ZNF365: variants seen among roughly 807,000 people sequenced by gnomAD.
ZNF365 encodes the protein zinc finger protein 365, also known as protein ZNF365.
Under a neutral mutation model 35.0 loss-of-function variants are expected in ZNF365, and 22 were observed. The observed-to-expected ratio is 0.63, with a 90% CI of 0.45 to 0.90. The LOEUF (loss-of-function observed/expected upper bound fraction) is 0.90. ZNF365 is among the 40% of genes least tolerant of loss of function. The probability of loss-of-function intolerance (pLI) is 0.00; values close to 1 mark genes in which losing one functional copy is unlikely to be tolerated. For missense variants in ZNF365, 448 were observed against 500.3 expected (o/e 0.90, Z 1.00); for synonymous variants, 188 against 196.2 (o/e 0.96, Z 0.35).
chr10:62,447,292 A>C (rs1159482313), intron 3 of ZNF365, among the ~76,000 whole-genome samples: 3 of 152,160 alleles, frequency 2.0e-5, no homozygotes, highest in Admixed American at 6.5e-5. Context: ...AATCTACTAA[A>C]CTAAAAAATA....
At chr10:62,454,882 C>G (rs117924063) in intron 3 of ZNF365, among the ~76,000 whole-genome samples, 1 of 152,148 alleles carries the variant, frequency 6.6e-6, no homozygotes, top group Middle Eastern at 3.4e-3. Flanking sequence ...GACAGTGGTG[C>G]TGATTGGAGT....
chr10:62,473,024 C>G, intron 4 of ZNF365, among the ~76,000 whole-genome samples: 1 of 152,174 alleles, frequency 6.6e-6, no homozygotes, highest in Admixed American at 6.5e-5. Context: ...ATGATCATCT[C>G]CAATTTAGGT....
chr10:62,389,277 G>C (rs1458423459), intron 3 of ZNF365, among the ~76,000 whole-genome samples: 6 of 151,426 alleles, frequency 4.0e-5, no homozygotes, highest in Admixed American at 3.9e-4. Context: ...TAGGTCGATG[G>C]GGGGCGGGGG....
chr10:62,393,473 A>G (rs2132422860), intron 3 of ZNF365, among the ~76,000 whole-genome samples: 1 of 152,284 alleles, frequency 6.6e-6, no homozygotes. Context: ...TGGTGATAGG[A>G]ACTTTTCAGC....
At chr10:62,423,139 CTG>C (rs5785525) in intron 3 of ZNF365, among the ~76,000 whole-genome samples, 88,897 of 151,554 alleles carry the variant, frequency 0.59, 26,586 homozygotes, top group East Asian at 0.77. Flanking sequence ...AATTTCCAAA[CTG>C]TGTTCTGTAG....
rs1840577870 is a variant in ZNF365 at position 62,445,822 on chromosome 10, C to CT, written c.925-13914dup. On this transcript the variant is annotated intron_variant, in intron 3 of 4. Transcript: ENST00000395255. ...TATTTGTTTTGCTCATCTCATTGTT[C>CT]TTTTTCTTCATTGGCCTCGGTCAGA... Among the ~76,000 whole-genome samples the CT allele has an allele frequency of 3.9e-5, 6 of 152,196 alleles. No homozygotes were observed. The South Asian group carries it at 1.2e-3, about 32-fold the overall frequency.
chr10:62,397,320 G>T (rs1459621893), intron 3 of ZNF365, among the ~76,000 whole-genome samples: 3 of 151,862 alleles, frequency 2.0e-5, no homozygotes, highest in African/African-American at 7.3e-5. Context: ...GCAGACAGAA[G>T]AATGCAGGCA....
rs571891936 is a variant in ZNF365, at chr10:62,436,347, G to C, written c.925-23394G>C. 4.6e-5 allele frequency among the ~76,000 whole-genome samples: 7 copies of C among 152,026 alleles called. No individual in the cohort carries two copies. In the East Asian group the frequency reaches 1.4e-3, roughly 29 times the overall value. On this transcript the variant is annotated intron_variant, in intron 3 of 4. Coordinates refer to the ZNF365 transcript ENST00000395255. The stretch of plus-strand genomic sequence containing the variant: ...TAACTAGAACCCTTAATTAAACTAA[G>C]TGATTATTTTGGGGAAGTTAAAAGA...
chr10:62,423,392 G>A (rs558713263), intron 3 of ZNF365, among the ~76,000 whole-genome samples: 16 of 152,240 alleles, frequency 1.1e-4, no homozygotes, highest in African/African-American at 3.6e-4. Context: ...GTATTTCACA[G>A]GATTAGTGCT....
chr10:62,465,625 G>C (rs1431525392), intron 4 of ZNF365, among the ~76,000 whole-genome samples: 2 of 152,122 alleles, frequency 1.3e-5, no homozygotes, highest in Non-Finnish European at 2.9e-5. Context: ...GACACTCACT[G>C]GGACAACCTG....
At chr10:62,384,383 G>A (rs150671078) in intron 2 of ZNF365, among the ~76,000 whole-genome samples, 118 of 152,228 alleles carry the variant, frequency 7.8e-4, no homozygotes, top group Middle Eastern at 3.4e-3. Flanking sequence ...TTGTAATTAC[G>A]TGTTTATTTC....
intron 3 of ZNF365, among the ~76,000 whole-genome samples, chr10:62,433,643 C>A (rs193286677): frequency 4.6e-5 from 7 of 152,258 alleles, no homozygotes; most frequent in Non-Finnish European, 8.8e-5. Flanking sequence ...AGGTCAACTC[C>A]ACAGAGCTCC....
intron 3 of ZNF365, among the ~76,000 whole-genome samples, chr10:62,413,808 T>A (rs1455428635): frequency 1.3e-5 from 2 of 152,188 alleles, no homozygotes; most frequent in Non-Finnish European, 2.9e-5. Context: ...AGCCATCCAA[T>A]ATACAAATAT....
intron 4 of ZNF365, among the ~76,000 whole-genome samples, chr10:62,461,525 C>T (rs1380031993): frequency 6.6e-6 from 1 of 152,190 alleles, no homozygotes; most frequent in Non-Finnish European, 1.5e-5. Context: ...GACCGTGTTC[C>T]GCACGGAGCT....
chr10:62,432,916 G>T (rs146278157), intron 3 of ZNF365, among the ~76,000 whole-genome samples: 1 of 152,260 alleles, frequency 6.6e-6, no homozygotes, highest in East Asian at 1.9e-4. Flanking sequence ...TGTACATGGA[G>T]ATCTTTCCCA....
intron 2 of ZNF365, among the ~76,000 whole-genome samples, chr10:62,381,235 G>C (rs1441280651): frequency 6.6e-6 from 1 of 152,202 alleles, no homozygotes; most frequent in Non-Finnish European, 1.5e-5. Flanking sequence ...AGGGGCGGCA[G>C]GGAGGGCTGC....
chr10:62,436,120 G>A (rs1257380059), intron 3 of ZNF365, among the ~76,000 whole-genome samples: 1 of 151,934 alleles, frequency 6.6e-6, no homozygotes, highest in Non-Finnish European at 1.5e-5. Flanking sequence ...GAACGTCTTT[G>A]TGAGTTTCAC....
At chr10:62,375,908 T>G (rs1024838582) in intron 1 of ZNF365, 4 of 352,964 alleles carry the variant, frequency 1.1e-5, no homozygotes, top group Non-Finnish European at 2.1e-5. Context: ...TATTTTAGCT[T>G]TTAGGAGCAT....
At chr10:62,420,844 G>A (rs757830683) in intron 3 of ZNF365, among the ~76,000 whole-genome samples, 35 of 151,728 alleles carry the variant, frequency 2.3e-4, no homozygotes, top group Non-Finnish European at 3.2e-4. Context: ...GTGCAGTGGC[G>A]CCATGCCAGC....
Sources: allele counts gnomAD v4.1 joint callset (sites outside exome capture counted in the v4.1 genomes callset), GRCh38; gene constraint gnomAD v4.1.1; transcripts MANE v1.5; gene names NCBI Gene and HGNC (gene_info 2026-07-23, HGNC 2026-07-21).